GALNT7: variants seen among roughly 807,000 people sequenced by gnomAD.
The protein encoded by GALNT7 is N-acetylgalactosaminyltransferase 7.
A neutral mutation model predicts 82.1 loss-of-function variants in GALNT7; 60 were observed. That is an observed-to-expected ratio of 0.73 (90% CI 0.59 to 0.91). The LOEUF (loss-of-function observed/expected upper bound fraction) is 0.91. GALNT7 is among the 40% of genes least tolerant of loss of function. The pLI, the probability that GALNT7 is intolerant of heterozygous loss-of-function variation, is 0.00. For synonymous variants in GALNT7, 243 were observed against 275.1 expected (o/e 0.88, Z 1.15); for missense variants, 660 against 804.2 (o/e 0.82, Z 2.17).
intron 2 of GALNT7, among the ~76,000 whole-genome samples, chr4:173,262,161 A>G (rs1337002682): frequency 6.6e-6 from 1 of 152,114 alleles, no homozygotes; most frequent in African/African-American, 2.4e-5. Flanking sequence ...CAGATATGTA[A>G]TTGCAAAAGG....
chr4:173,207,126 C>T (rs1349704486), intron 1 of GALNT7, among the ~76,000 whole-genome samples: 1 of 152,020 alleles, frequency 6.6e-6, no homozygotes, highest in Non-Finnish European at 1.5e-5. Context: ...CCTTTCTTCA[C>T]TTGTTTTTCA....
intron 1 of GALNT7, among the ~76,000 whole-genome samples, chr4:173,184,508 G>T (rs1056379124): frequency 2.0e-5 from 3 of 151,754 alleles, no homozygotes; most frequent in Admixed American, 6.6e-5. Flanking sequence ...TGAGGCAGGA[G>T]AATCAGGCAG....
At chr4:173,304,947 A>G (rs1435402681) in intron 8 of GALNT7, among the ~76,000 whole-genome samples, 1 of 152,076 alleles carries the variant, frequency 6.6e-6, no homozygotes, top group Admixed American at 6.5e-5. Flanking sequence ...GCTTGATTCC[A>G]TATCTTGACT....
intron 2 of GALNT7, among the ~76,000 whole-genome samples, chr4:173,256,865 A>G (rs559544577): frequency 6.6e-6 from 1 of 152,214 alleles, no homozygotes; most frequent in African/African-American, 2.4e-5. Context: ...CAACACTTAT[A>G]TAGAAGGAAT....
At chr4:173,225,480 C>G (rs957215370) in intron 1 of GALNT7, among the ~76,000 whole-genome samples, 48 of 152,258 alleles carry the variant, frequency 3.2e-4, no homozygotes, top group African/African-American at 1.1e-3. Flanking sequence ...AGATTTTAAA[C>G]AGTAATCCTG....
chr4:173,234,613 G>T (rs540254827), intron 1 of GALNT7, among the ~76,000 whole-genome samples: 11 of 152,176 alleles, frequency 7.2e-5, no homozygotes, highest in South Asian at 6.2e-4. Flanking sequence ...ATTTTACTTC[G>T]TAATTACTAT....
At chr4:173,172,154 C>G (rs1384375568) in intron 1 of GALNT7, among the ~76,000 whole-genome samples, 1 of 152,204 alleles carries the variant, frequency 6.6e-6, no homozygotes, top group African/African-American at 2.4e-5. Flanking sequence ...CTTGAGAAAT[C>G]CAAGTACCTC....
rs192344457 is a variant in GALNT7, at chr4:173,310,955, C to T, written c.1390-3003C>T. On this transcript the variant is annotated intron_variant, in intron 8 of 11. Coordinates refer to ENST00000265000, the MANE Select transcript of GALNT7 (RefSeq NM_017423.3). ...TTCACCATGTTGGCCAGGCTGGTCTCGAACTCTGCCTCCCAAAGTGCTGGG... is the reference window on the plus strand; with the variant it reads ...TTCACCATGTTGGCCAGGCTGGTCTTGAACTCTGCCTCCCAAAGTGCTGGG... 4.0e-3 allele frequency among the ~76,000 whole-genome samples: 602 copies of T among 152,284 alleles called. 3 individuals carry two copies. The highest frequency in any genetic ancestry group is 6.8e-3 in the Non-Finnish European group (463 of 68,020).
chr4:173,188,405 C>T (rs763658168), intron 1 of GALNT7, among the ~76,000 whole-genome samples: 22 of 152,052 alleles, frequency 1.4e-4, no homozygotes, highest in Non-Finnish European at 2.5e-4. Flanking sequence ...GGGTTTTGGG[C>T]CAGTAAGGTT....
At chr4:173,307,033 A>G (rs937603906) in intron 8 of GALNT7, among the ~76,000 whole-genome samples, 4 of 152,232 alleles carry the variant, frequency 2.6e-5, no homozygotes, top group African/African-American at 9.6e-5. Context: ...TTCCCTGTGC[A>G]GATCAGCCCA....
chr4:173,271,687 C>A (rs1030789399), intron 2 of GALNT7, among the ~76,000 whole-genome samples: 1 of 152,050 alleles, frequency 6.6e-6, no homozygotes, highest in African/African-American at 2.4e-5. Flanking sequence ...GAACTCCTAA[C>A]CTCAGGTGAT....
intron 5 of GALNT7, among the ~76,000 whole-genome samples, chr4:173,296,562 C>T (rs1246925753): frequency 6.6e-6 from 1 of 152,180 alleles, no homozygotes; most frequent in Non-Finnish European, 1.5e-5. Context: ...TTAATCCTCA[C>T]AGCAACCCTG....
Position 173,292,065 on chromosome 4 carries a change from T to C in GALNT7, c.588-43T>C. Reference sequence around the variant, plus strand: ...ATAGTCAGCTTGGAGCCAAGCAGTATAGATTACCTGTAAATAAATATGATG... The same window carrying C: ...ATAGTCAGCTTGGAGCCAAGCAGTACAGATTACCTGTAAATAAATATGATG... On this transcript the variant is annotated intron_variant, in intron 2 of 11. Transcript: ENST00000265000. The surrounding 1 kb of genome is among the most constrained non-coding windows in gnomAD (Gnocchi z 4.8). 1 of 1,370,096 alleles carries C rather than the reference T, an allele frequency of 7.3e-7. No individual in the cohort carries two copies. Among genetic ancestry groups the C allele is most frequent in the Non-Finnish European group, 1.0e-6 (1 of 964,458 alleles). The allele number at this position is 1,370,096 out of a possible 1,614,324, so 84.9% of individuals were successfully genotyped here.
chr4:173,189,128 C>T (rs1732545567), intron 1 of GALNT7, among the ~76,000 whole-genome samples: 1 of 152,170 alleles, frequency 6.6e-6, no homozygotes, highest in African/African-American at 2.4e-5. Flanking sequence ...CACTTATGCT[C>T]CCCATATTGT....
chr4:173,307,525 G>T (rs1250797725), intron 8 of GALNT7, among the ~76,000 whole-genome samples: 1 of 152,168 alleles, frequency 6.6e-6, no homozygotes. Context: ...TGCCATGTTG[G>T]TAGCAGTATG....
chr4:173,323,272 T>C lies in GALNT7; in HGVS notation c.*1555T>C, dbSNP rs1253820972. 1.3e-5 allele frequency: 2 copies of C among 152,594 alleles called. No individual in the cohort carries two copies. Among genetic ancestry groups the C allele is most frequent in the East Asian group, 3.9e-4 (2 of 5,186 alleles). 9.5% of individuals were successfully genotyped at this position (152,594 alleles called of 1,614,324 possible). A position where few individuals can be genotyped will look rare whatever the true frequency, so the allele number is the denominator to read the frequency against. On this transcript the variant is annotated 3_prime_UTR_variant, in exon 12 of 12. Transcript: ENST00000265000. Reference sequence around the variant, plus strand: ...TTTGTTTTTTAATTTAAGAGGGAAATATAACCTATAAATTTGTTTCTTCCA... The same window carrying C: ...TTTGTTTTTTAATTTAAGAGGGAAACATAACCTATAAATTTGTTTCTTCCA...
In GALNT7 at chr4:173,231,017, C is replaced by A. The variant is rs117635616; in HGVS notation, c.127-16963C>A. ...ACAAAAAGGCAAGAGTATTCATGAG[C>A]GATAGTTTGAACATCTAAAAATTCA... is the stretch of plus-strand genomic sequence containing the variant. On this transcript the variant is annotated intron_variant, in intron 1 of 11. Coordinates refer to ENST00000265000, the MANE Select transcript of GALNT7 (RefSeq NM_017423.3). Among the ~76,000 whole-genome samples, 259 of 152,230 alleles carry A rather than the reference C, an allele frequency of 1.7e-3. 6 individuals carry two copies. The East Asian group carries it at 0.041, about 24-fold the overall frequency.
intron 8 of GALNT7, among the ~76,000 whole-genome samples, chr4:173,304,846 A>G (rs1247642894): frequency 6.6e-6 from 1 of 151,716 alleles, no homozygotes; most frequent in African/African-American, 2.4e-5. Context: ...AAGTGACAGG[A>G]TTTTTTTATT....
At chr4:173,297,946 G>T in intron 5 of GALNT7, 169 bp from the exon 6 acceptor site, 1 of 1,479,824 alleles carries the variant, frequency 6.8e-7, no homozygotes, top group Admixed American at 2.6e-5. Context: ...CAAGGAAAAG[G>T]CCAAAAGAAA....
Sources: allele counts gnomAD v4.1 joint callset (sites outside exome capture counted in the v4.1 genomes callset), GRCh38; gene constraint gnomAD v4.1.1; non-coding constraint Gnocchi (gnomAD v3.1); transcripts MANE v1.5; gene names NCBI Gene and HGNC (gene_info 2026-07-23, HGNC 2026-07-21).